Variants in CDH13 observed in about 807,000 individuals in gnomAD.
CDH13 encodes the protein cadherin-13.
CDH13 carries 24 observed loss-of-function variants against 63.8 expected under a neutral mutation model. The ratio of observed to expected loss-of-function variants is 0.38; its 90% confidence interval spans 0.27 to 0.53. The LOEUF (loss-of-function observed/expected upper bound fraction) is 0.53, where lower values mean the gene tolerates loss of function less well. Ranked by LOEUF, CDH13 falls within the 20% of genes least tolerant of loss-of-function variation. The pLI is 0.85. For synonymous variants in CDH13, 503 were observed against 355.3 expected (o/e 1.42, Z -4.67); for missense variants, 1,049 against 903.1 (o/e 1.16, Z -2.07).
chr16:83,236,237 G>A (rs956596198), intron 5 of CDH13, among the ~76,000 whole-genome samples: 3 of 149,006 alleles, frequency 2.0e-5, no homozygotes, highest in African/African-American at 7.4e-5. Context: ...ACACGCACAT[G>A]CACACACACA....
At chr16:82,764,486 C>T (rs1415471876) in intron 1 of CDH13, among the ~76,000 whole-genome samples, 1 of 152,102 alleles carries the variant, frequency 6.6e-6, no homozygotes, top group African/African-American at 2.4e-5. Context: ...GGGAGGGAAG[C>T]AGATAGATGT....
At chr16:83,449,319 C>A (rs1415134405) in intron 6 of CDH13, among the ~76,000 whole-genome samples, 1 of 152,080 alleles carries the variant, frequency 6.6e-6, no homozygotes, top group Non-Finnish European at 1.5e-5. Flanking sequence ...GTAAAGATCT[C>A]ATGGTACCAA....
chr16:83,756,862 T>G (rs2549657), intron 11 of CDH13, among the ~76,000 whole-genome samples: 2 of 152,018 alleles, frequency 1.3e-5, no homozygotes, highest in Non-Finnish European at 2.9e-5. Flanking sequence ...ACATCTCTCA[T>G]ATCAGCTTCA....
chr16:83,503,750 T>TC (rs2151590789), intron 7 of CDH13, among the ~76,000 whole-genome samples: 1 of 152,338 alleles, frequency 6.6e-6, no homozygotes, highest in Admixed American at 6.5e-5. Flanking sequence ...TTGTTTTTTT[T>TC]CTTGTAAATT....
intron 5 of CDH13, among the ~76,000 whole-genome samples, chr16:83,314,276 C>G (rs778321943): frequency 6.8e-6 from 1 of 147,160 alleles, no homozygotes; most frequent in Non-Finnish European, 1.5e-5. Context: ...GGTGATGATT[C>G]ACAAAAATGT....
intron 8 of CDH13, among the ~76,000 whole-genome samples, chr16:83,660,616 A>G (rs1251537774): frequency 6.6e-6 from 1 of 152,186 alleles, no homozygotes; most frequent in Non-Finnish European, 1.5e-5. Context: ...GCCAACTAGA[A>G]TTTGCCCCAC....
At chr16:83,161,606 A>C (rs912633599) in intron 4 of CDH13, among the ~76,000 whole-genome samples, 1 of 152,100 alleles carries the variant, frequency 6.6e-6, no homozygotes. Flanking sequence ...AACCACCAGC[A>C]TTTGTCTTGA....
chr16:82,664,625 T>A (rs1912373637), intron 1 of CDH13, among the ~76,000 whole-genome samples: 1 of 152,198 alleles, frequency 6.6e-6, no homozygotes, highest in African/African-American at 2.4e-5. Flanking sequence ...TGTGTTTCCT[T>A]AAAACAGCCT....
intron 2 of CDH13, among the ~76,000 whole-genome samples, chr16:82,956,339 T>G (rs1292101630): frequency 1.3e-5 from 2 of 151,490 alleles, no homozygotes; most frequent in Non-Finnish European, 2.9e-5. Flanking sequence ...AACCTTTTAT[T>G]CCTAATTCTA....
chr16:83,728,677 A>G (rs560595766), intron 10 of CDH13, among the ~76,000 whole-genome samples: 2 of 152,172 alleles, frequency 1.3e-5, no homozygotes, highest in South Asian at 4.1e-4. Flanking sequence ...CAATTACGAC[A>G]TGCCGTTTTT....
intron 7 of CDH13, among the ~76,000 whole-genome samples, chr16:83,528,664 C>T (rs1269688346): frequency 2.0e-5 from 3 of 152,206 alleles, no homozygotes; most frequent in Non-Finnish European, 4.4e-5. Context: ...TCCCAACTAT[C>T]TCCATCTATC....
intron 5 of CDH13, among the ~76,000 whole-genome samples, chr16:83,240,635 T>A (rs1009361990): frequency 9.0e-5 from 13 of 144,674 alleles, no homozygotes; most frequent in Admixed American, 6.4e-4. Context: ...TTGAGGGTAG[T>A]GGGAAGATTT....
At chr16:82,870,413 C>G (rs1478926023) in intron 2 of CDH13, among the ~76,000 whole-genome samples, 1 of 151,886 alleles carries the variant, frequency 6.6e-6, no homozygotes, top group Non-Finnish European at 1.5e-5. Context: ...ATGGATGGTC[C>G]CCAAAAAACT....
At chr16:83,672,753 C>T (rs1243437752) in intron 9 of CDH13, among the ~76,000 whole-genome samples, 1 of 152,080 alleles carries the variant, frequency 6.6e-6, no homozygotes, top group Non-Finnish European at 1.5e-5. Context: ...ATCTATTTTC[C>T]TTGAGCTGTA....
chr16:83,544,592 A>G (rs2075351394), intron 7 of CDH13, among the ~76,000 whole-genome samples: 2 of 152,188 alleles, frequency 1.3e-5, no homozygotes, highest in African/African-American at 4.8e-5. Flanking sequence ...CAACATCACA[A>G]GAGGATATGG....
intron 3 of CDH13, among the ~76,000 whole-genome samples, chr16:83,084,433 C>G (rs1343647485): frequency 6.6e-6 from 1 of 152,182 alleles, no homozygotes; most frequent in African/African-American, 2.4e-5. Flanking sequence ...CTCCTATTGT[C>G]AGAGCATCTT....
At chr16:83,150,513 G>C (rs1156746355) in intron 4 of CDH13, among the ~76,000 whole-genome samples, 1 of 152,102 alleles carries the variant, frequency 6.6e-6, no homozygotes, top group East Asian at 1.9e-4. Flanking sequence ...TCCACACTCA[G>C]ATACTGACTC....
intron 6 of CDH13, among the ~76,000 whole-genome samples, chr16:83,472,330 C>T (rs1181668400): frequency 6.6e-6 from 1 of 152,092 alleles, no homozygotes; most frequent in African/African-American, 2.4e-5. Flanking sequence ...TAGACGGTGC[C>T]CTGTGGTTGC....
chr16:83,216,409 T>TAC (rs1280611767), intron 4 of CDH13, among the ~76,000 whole-genome samples: 3 of 65,266 alleles, frequency 4.6e-5, no homozygotes, highest in Non-Finnish European at 8.7e-5. Context: ...TATATATATA[T>TAC]ATATATATAT....
Sources: gnomAD v4.1 joint callset for allele counts (sites outside exome capture counted in the v4.1 genomes callset) on GRCh38, gnomAD v4.1.1 for gene constraint, MANE v1.5 for transcripts, NCBI Gene and HGNC (gene_info 2026-07-23, HGNC 2026-07-21) for gene names.